The following NRXN1 variants were observed in gnomAD, a reference collection of about 807,000 sequenced individuals.
NRXN1 encodes the protein neurexin-1.
A neutral mutation model predicts 150.9 loss-of-function variants in NRXN1; 39 were observed. That is an observed-to-expected ratio of 0.26 (90% CI 0.20 to 0.34). NRXN1 has a LOEUF of 0.34. Among genes scored for constraint, NRXN1 ranks in the 10% least tolerant of loss-of-function variants. The pLI is 1.00. For missense variants in NRXN1, 1,815 were observed against 1,949.9 expected, an observed-to-expected ratio of 0.93 and a Z score of 1.30; for synonymous variants, 924 against 757.0, an observed-to-expected ratio of 1.22 and a Z score of -3.62.
chr2:50,529,930 G>T (rs1029451545), intron 11 of NRXN1, among the ~76,000 whole-genome samples: 1 of 152,104 alleles, frequency 6.6e-6, no homozygotes, highest in African/African-American at 2.4e-5. Flanking sequence ...TATGCAATAA[G>T]ATACCAATGG....
intron 2 of NRXN1, among the ~76,000 whole-genome samples, chr2:51,016,104 C>A (rs886921783): frequency 6.6e-6 from 1 of 151,936 alleles, no homozygotes; most frequent in African/African-American, 2.4e-5. Flanking sequence ...ACAAACCTGA[C>A]AAAAACAAGC....
At chr2:50,224,352 T>A (rs1028764135) in intron 18 of NRXN1, among the ~76,000 whole-genome samples, 46 of 152,044 alleles carry the variant, frequency 3.0e-4, no homozygotes, top group African/African-American at 1.1e-3. Flanking sequence ...TGAGATAAAA[T>A]TCATACCTCA....
chr2:50,504,201 A>T (rs2092107622), intron 13 of NRXN1, among the ~76,000 whole-genome samples: 1 of 151,398 alleles, frequency 6.6e-6, no homozygotes, highest in Non-Finnish European at 1.5e-5. Flanking sequence ...GAGGGGAAAA[A>T]TGCTTATTGC....
intron 5 of NRXN1, among the ~76,000 whole-genome samples, chr2:50,723,310 G>A (rs1696908375): frequency 6.6e-6 from 1 of 152,146 alleles, no homozygotes; most frequent in East Asian, 1.9e-4. Flanking sequence ...ACTGGTCAAG[G>A]ATGTCATGTG....
intron 17 of NRXN1, among the ~76,000 whole-genome samples, chr2:50,400,454 T>A (rs1158252523): frequency 6.6e-6 from 1 of 152,078 alleles, no homozygotes; most frequent in Non-Finnish European, 1.5e-5. Flanking sequence ...AGTGGGAACA[T>A]GATTAAAATA....
At position 51,025,795 on chromosome 2, in the gene NRXN1, T is replaced by C. The variant is rs184396423; in HGVS notation, c.772+1707A>G. ...ACTATCTTTTTTATTTTGTAAAACA[T>C]AACTGTAAAGCCTGCTCTCATAACC... On this transcript the variant is annotated intron_variant, in intron 2 of 22. Coordinates refer to ENST00000401669, the MANE Select transcript of NRXN1 (RefSeq NM_001330078.2). Among the ~76,000 whole-genome samples the C allele has an allele frequency of 2.7e-4, 41 of 152,306 alleles. No homozygotes were observed. The East Asian group carries it at 6.8e-3, about 25-fold the overall frequency.
intron 15 of NRXN1, among the ~76,000 whole-genome samples, chr2:50,486,434 A>G (rs1382457586): frequency 1.3e-5 from 2 of 152,178 alleles, no homozygotes; most frequent in Non-Finnish European, 2.9e-5. Flanking sequence ...ATTTAATGTC[A>G]TTTTGGATAT....
intron 5 of NRXN1, among the ~76,000 whole-genome samples, chr2:50,777,319 T>C (rs945111156): frequency 2.6e-5 from 4 of 152,298 alleles, no homozygotes; most frequent in African/African-American, 4.8e-5. Context: ...AAAATATTTA[T>C]GGTATACAAT....
intron 21 of NRXN1, among the ~76,000 whole-genome samples, chr2:50,046,810 T>G (rs902077316): frequency 6.6e-6 from 1 of 152,138 alleles, no homozygotes; most frequent in Non-Finnish European, 1.5e-5. Context: ...TTTCAGACCT[T>G]AGACTCCCAG....
At chr2:51,013,114 C>T (rs1404686945) in intron 2 of NRXN1, among the ~76,000 whole-genome samples, 3 of 151,968 alleles carry the variant, frequency 2.0e-5, no homozygotes, top group Non-Finnish European at 4.4e-5. Context: ...TGGGAGGATA[C>T]CCTGGAGATG....
intron 5 of NRXN1, among the ~76,000 whole-genome samples, chr2:50,879,046 C>T (rs548124898): frequency 1.3e-5 from 2 of 151,746 alleles, no homozygotes; most frequent in Non-Finnish European, 2.9e-5. Context: ...GTAAAGGTAC[C>T]CTGTAGATGT....
chr2:50,070,627 G>A (rs564279652), intron 19 of NRXN1, among the ~76,000 whole-genome samples: 2 of 151,874 alleles, frequency 1.3e-5, no homozygotes, highest in African/African-American at 4.8e-5. Context: ...AAAATTATCC[G>A]GGCGTAGTGG....
rs371218662 is a variant in NRXN1, at chr2:50,312,164, T to A, written c.3365-75194A>T. On this transcript the variant is annotated intron_variant, in intron 17 of 22. Transcript: ENST00000401669. ...TTCTTCTCCTGAGAAAGACTCCTAA[T>A]AGATTTACCCTTTACCAGTCCAACC... Among the ~76,000 whole-genome samples, 7 of 152,298 alleles carry A rather than the reference T, an allele frequency of 4.6e-5. No homozygotes were observed. The East Asian group carries it at 9.6e-4, about 21-fold the overall frequency.
chr2:50,006,440 A>G (rs1193054719), intron 21 of NRXN1, among the ~76,000 whole-genome samples: 1 of 152,074 alleles, frequency 6.6e-6, no homozygotes, highest in Non-Finnish European at 1.5e-5. Context: ...CAAACTCCTT[A>G]GCAGGTTTTC....
In NRXN1 at chr2:50,442,557, A is replaced by T. The variant is rs1032302702; in HGVS notation, c.3364+22885T>A. Reference sequence around the variant, plus strand: ...GGGAAGTACCAGGACTTCAATTTAGAACACATAAAGGTTGAGATACCTGTG... The same window carrying T: ...GGGAAGTACCAGGACTTCAATTTAGTACACATAAAGGTTGAGATACCTGTG... On this transcript the variant is annotated intron_variant, in intron 17 of 22. Coordinates refer to ENST00000401669, the MANE Select transcript of NRXN1 (RefSeq NM_001330078.2). 2.0e-5 allele frequency among the ~76,000 whole-genome samples: 3 copies of T among 152,154 alleles called. No homozygotes were observed. In the South Asian group the frequency reaches 6.2e-4, roughly 32 times the overall value.
chr2:51,001,942 A>G (rs1373379338), intron 2 of NRXN1, among the ~76,000 whole-genome samples: 1 of 151,940 alleles, frequency 6.6e-6, no homozygotes, highest in East Asian at 2.0e-4. Context: ...ATTGGGAGGA[A>G]AGGAACATCC....
intron 5 of NRXN1, among the ~76,000 whole-genome samples, chr2:50,808,659 G>GCAT (rs1182406556): frequency 1.3e-5 from 2 of 152,046 alleles, no homozygotes; most frequent in African/African-American, 4.8e-5. Flanking sequence ...GACTCTTGAT[G>GCAT]CATCAATAAA....
chr2:50,842,981 T>C (rs528973968), intron 5 of NRXN1, among the ~76,000 whole-genome samples: 1 of 152,276 alleles, frequency 6.6e-6, no homozygotes, highest in African/African-American at 2.4e-5. Context: ...CGGTATTTAA[T>C]AAGAGAGAAT....
chr2:50,722,821 C>T (rs1442870198), intron 5 of NRXN1, among the ~76,000 whole-genome samples: 1 of 152,014 alleles, frequency 6.6e-6, no homozygotes, highest in Admixed American at 6.6e-5. Flanking sequence ...GATTTATTTC[C>T]ACAGATGGCC....
Sources: gnomAD v4.1 joint callset for allele counts (sites outside exome capture counted in the v4.1 genomes callset) on GRCh38, gnomAD v4.1.1 for gene constraint, MANE v1.5 for transcripts, NCBI Gene and HGNC (gene_info 2026-07-23, HGNC 2026-07-21) for gene names.